CHST8: variants seen among roughly 807,000 people sequenced by gnomAD.
The protein encoded by CHST8 is GALNAC-4-ST1.
In CHST8, 10 loss-of-function variants were observed where a neutral mutation model predicts 15.0. That is an observed-to-expected ratio of 0.67 (90% CI 0.41 to 1.13). The LOEUF (loss-of-function observed/expected upper bound fraction) is 1.13. CHST8 is among the 50% of genes most tolerant of loss of function. The pLI, the probability that CHST8 is intolerant of heterozygous loss-of-function variation, is 0.00. For synonymous variants in CHST8, 259 were observed against 256.6 expected (o/e 1.01, Z -0.09); for missense variants, 634 against 608.2 (o/e 1.04, Z -0.45).
chr19:33,760,141 C>G (rs1397776001), intron 3 of CHST8, among the ~76,000 whole-genome samples: 1 of 152,046 alleles, frequency 6.6e-6, no homozygotes, highest in Non-Finnish European at 1.5e-5. Context: ...TCAGAATGGT[C>G]CTTAAATTCA....
intron 3 of CHST8, among the ~76,000 whole-genome samples, chr19:33,765,237 G>C (rs1355700564): frequency 6.6e-6 from 1 of 151,834 alleles, no homozygotes; most frequent in Non-Finnish European, 1.5e-5. Context: ...TGCAAGCCAA[G>C]GAACGCCTGG....
intron 3 of CHST8, among the ~76,000 whole-genome samples, chr19:33,738,658 C>T (rs184406780): frequency 1.3e-4 from 20 of 152,234 alleles, no homozygotes; most frequent in Non-Finnish European, 1.8e-4. Flanking sequence ...GGTACGACCT[C>T]GGCTCACTGC....
chr19:33,694,150 G>T (rs1442880255), intron 3 of CHST8, among the ~76,000 whole-genome samples: 2 of 66,106 alleles, frequency 3.0e-5, no homozygotes, highest in African/African-American at 6.5e-5. Flanking sequence ...TTACCATACA[G>T]ATTCTATTGT....
At chr19:33,764,113 TG>T (rs1974786619) in intron 3 of CHST8, among the ~76,000 whole-genome samples, 1 of 152,176 alleles carries the variant, frequency 6.6e-6, no homozygotes, top group Non-Finnish European at 1.5e-5. Flanking sequence ...GCCCAGCTTC[TG>T]GGAAGCCCCA....
At chr19:33,718,683 T>C (rs1247834500) in intron 3 of CHST8, among the ~76,000 whole-genome samples, 2 of 152,244 alleles carry the variant, frequency 1.3e-5, no homozygotes, top group Non-Finnish European at 2.9e-5. Flanking sequence ...AGGAGGAAGA[T>C]GAGCTCAACG....
intron 3 of CHST8, among the ~76,000 whole-genome samples, chr19:33,743,945 C>T (rs1333780137): frequency 6.6e-6 from 1 of 152,132 alleles, no homozygotes; most frequent in African/African-American, 2.4e-5. Context: ...GCACCTGCCA[C>T]CACGCCTGGC....
chr19:33,767,723 C>G (rs1243512947), intron 3 of CHST8, among the ~76,000 whole-genome samples: 1 of 152,168 alleles, frequency 6.6e-6, no homozygotes, highest in East Asian at 1.9e-4. Flanking sequence ...AGAGGTAACT[C>G]AAGACACCGA....
intron 2 of CHST8, among the ~76,000 whole-genome samples, chr19:33,674,566 G>C (rs1018909298): frequency 3.9e-5 from 6 of 152,326 alleles, no homozygotes; most frequent in Middle Eastern, 3.4e-3. Context: ...CATCACTAAT[G>C]ATCGTGGAAA....
intron 1 of CHST8, among the ~76,000 whole-genome samples, chr19:33,642,597 A>AAGTG (rs1209125019): frequency 1.3e-5 from 2 of 152,112 alleles, no homozygotes; most frequent in African/African-American, 2.4e-5. Context: ...TCCTGACCTC[A>AAGTG]AGTGATCTGC....
At chr19:33,655,286 C>T (rs1048409656) in intron 1 of CHST8, among the ~76,000 whole-genome samples, 1 of 152,184 alleles carries the variant, frequency 6.6e-6, no homozygotes, top group Non-Finnish European at 1.5e-5. Flanking sequence ...ATCTGCCCGC[C>T]TCAGCCTCCG....
chr19:33,673,090 C>A (rs1327541992), intron 2 of CHST8, among the ~76,000 whole-genome samples: 1 of 152,172 alleles, frequency 6.6e-6, no homozygotes, highest in Non-Finnish European at 1.5e-5. Context: ...GATGTGGAAC[C>A]TCTGACCCAG....
In CHST8 at chr19:33,700,452, G is replaced by A. The variant is rs562711063; in HGVS notation, c.130+11061G>A. Among the ~76,000 whole-genome samples, 18 of 152,282 alleles carry A rather than the reference G, an allele frequency of 1.2e-4. No homozygotes were observed. In the South Asian group the frequency reaches 2.1e-3, roughly 18 times the overall value. ...GCCCAAGGCTGGCAAGGGCCACCTC[G>A]CCCTCCCATGCCTCACTTTTCCTGG... On this transcript the variant is annotated intron_variant, in intron 3 of 4. Transcript: ENST00000650847.
chr19:33,761,136 C>T (rs1006481263), intron 3 of CHST8, among the ~76,000 whole-genome samples: 4 of 152,310 alleles, frequency 2.6e-5, no homozygotes, highest in African/African-American at 9.6e-5. Flanking sequence ...GATAGGGCCA[C>T]GCAGTTCGTT....
At chr19:33,644,957 C>T (rs973319711) in intron 1 of CHST8, among the ~76,000 whole-genome samples, 3 of 152,094 alleles carry the variant, frequency 2.0e-5, no homozygotes, top group African/African-American at 7.2e-5. Flanking sequence ...CGATTGTATT[C>T]CCAGGGGAAT....
chr19:33,708,800 C>T (rs1973493433), intron 3 of CHST8, among the ~76,000 whole-genome samples: 1 of 152,180 alleles, frequency 6.6e-6, no homozygotes, highest in African/African-American at 2.4e-5. Flanking sequence ...ATGGCATTGA[C>T]TGTAATAATA....
intron 3 of CHST8, among the ~76,000 whole-genome samples, chr19:33,766,131 C>A (rs748144894): frequency 2.0e-5 from 3 of 151,682 alleles, no homozygotes; most frequent in African/African-American, 7.3e-5. Flanking sequence ...CCGTCTCGCT[C>A]TCTCCTCTCT....
At chr19:33,676,663 G>A (rs1489329730) in intron 2 of CHST8, among the ~76,000 whole-genome samples, 1 of 152,060 alleles carries the variant, frequency 6.6e-6, no homozygotes, top group Non-Finnish European at 1.5e-5. Context: ...ATTGCATGAG[G>A]CCAGGAGTTT....
Position 33,719,910 on chromosome 19 carries a change from G to T in CHST8, c.130+30519G>T, listed in dbSNP as rs1973750167. ...CCTCTGTGACAGAGCTACTGCTGCA[G>T]CCACACACTCAGTGTGTCAGGCACT... On this transcript the variant is annotated intron_variant, in intron 3 of 4. Transcript: ENST00000650847. Among the ~76,000 whole-genome samples, 4 of 152,132 alleles carry T rather than the reference G, an allele frequency of 2.6e-5. No individual in the cohort carries two copies. The South Asian group carries it at 8.3e-4, about 31-fold the overall frequency.
intron 3 of CHST8, among the ~76,000 whole-genome samples, chr19:33,766,935 G>A (rs898423668): frequency 1.3e-5 from 2 of 152,244 alleles, no homozygotes; most frequent in African/African-American, 4.8e-5. Context: ...AGACCAAGAA[G>A]CACGACTCAA....
Sources: allele counts gnomAD v4.1 joint callset (sites outside exome capture counted in the v4.1 genomes callset), GRCh38; gene constraint gnomAD v4.1.1; transcripts MANE v1.5; gene names NCBI Gene and HGNC (gene_info 2026-07-23, HGNC 2026-07-21).